DGKH: variants seen among roughly 807,000 people sequenced by gnomAD.
DGKH encodes diacylglycerol kinase eta, also known as DAG kinase eta.
DGKH carries 90 observed loss-of-function variants against 159.3 expected under a neutral mutation model. The observed-to-expected ratio is 0.57, with a 90% CI of 0.48 to 0.67. The LOEUF (loss-of-function observed/expected upper bound fraction) is 0.67, where lower values mean the gene tolerates loss of function less well. Among genes scored for constraint, DGKH ranks in the 30% least tolerant of loss-of-function variants. The pLI is 0.00. For missense variants in DGKH, 1,181 were observed against 1,506.1 expected (o/e 0.78, Z 3.57); for synonymous variants, 536 against 553.8 (o/e 0.97, Z 0.45).
At chr13:42,207,004 T>TTTCTTTC (rs1957496067) in intron 21 of DGKH, among the ~76,000 whole-genome samples, 1 of 142,204 alleles carries the variant, frequency 7.0e-6, no homozygotes, top group South Asian at 2.3e-4. Flanking sequence ...TCTTTCTTTC[T>TTTCTTTC]TTCTTTCTTT....
At position 42,189,257 on chromosome 13, in the gene DGKH, G is replaced by A; in HGVS notation, c.1860G>A (p.Arg620=). The change falls in exon 15 of 30, where the codon CGG becomes CGA. Residue 620 remains arginine (R), a synonymous_variant. Coordinates refer to ENST00000337343, the MANE Select transcript of DGKH (RefSeq NM_178009.5). ...KAVKPREIML[R]ANSLKKAVRQ... ...TCAAACCAAGGGAAATCATGTTGCG[G>A]GCAAATAGTTTAAAGAAAGCAGTGA... The A allele has an allele frequency of 6.2e-7, 1 of 1,614,208 alleles. No homozygotes were observed. The highest frequency in any genetic ancestry group is 1.1e-5 in the South Asian group (1 of 91,084).
At chr13:42,207,009 T>TTCTTTCTTTCTC (rs1281243917) in intron 21 of DGKH, among the ~76,000 whole-genome samples, 2 of 140,684 alleles carry the variant, frequency 1.4e-5, no homozygotes, top group African/African-American at 5.6e-5. Flanking sequence ...CTTTCTTTCT[T>TTCTTTCTTTCTC]TCTTTCTTTC....
At chr13:42,087,089 G>C (rs1281834920) in intron 1 of DGKH, among the ~76,000 whole-genome samples, 3 of 106,990 alleles carry the variant, frequency 2.8e-5, no homozygotes, top group African/African-American at 7.0e-5. Flanking sequence ...ACACACCTCA[G>C]AACAGAGTAG....
chr13:42,084,975 G>T (rs892677994), intron 1 of DGKH, among the ~76,000 whole-genome samples: 9 of 151,442 alleles, frequency 5.9e-5, no homozygotes, highest in African/African-American at 2.2e-4. Context: ...CTGGATTTCT[G>T]TTTTTGCTCA....
intron 1 of DGKH, among the ~76,000 whole-genome samples, chr13:42,108,366 C>T (rs562447832): frequency 1.2e-3 from 190 of 152,180 alleles, no homozygotes; most frequent in African/African-American, 4.4e-3. Flanking sequence ...TTCTGGGGTT[C>T]CTAAGCAGTG....
chr13:42,245,741 A>G (rs564147910), downstream of DGKH, among the ~76,000 whole-genome samples: 3 of 152,038 alleles, frequency 2.0e-5, no homozygotes, highest in East Asian at 5.8e-4. Context: ...ACGCGCCAAC[A>G]CACCTGGCTA....
At chr13:42,135,189 T>C (rs1260701609) in intron 3 of DGKH, among the ~76,000 whole-genome samples, 3 of 151,690 alleles carry the variant, frequency 2.0e-5, no homozygotes, top group African/African-American at 7.3e-5. Context: ...GGATTTAGGT[T>C]AATGTTTATT....
intron 1 of DGKH, among the ~76,000 whole-genome samples, chr13:42,099,943 A>G (rs900964017): frequency 6.6e-6 from 1 of 152,198 alleles, no homozygotes; most frequent in African/African-American, 2.4e-5. Flanking sequence ...CATTTCAAAA[A>G]CAGTAATGAA....
intron 1 of DGKH, among the ~76,000 whole-genome samples, chr13:42,064,794 G>A (rs1003600361): frequency 1.1e-4 from 16 of 152,052 alleles, no homozygotes; most frequent in Admixed American, 2.6e-4. Flanking sequence ...CACAGCTGGG[G>A]GCCCTCTTTA....
At chr13:42,161,104 A>G (rs1344735697) in intron 7 of DGKH, among the ~76,000 whole-genome samples, 1 of 152,172 alleles carries the variant, frequency 6.6e-6, no homozygotes, top group Non-Finnish European at 1.5e-5. Context: ...AATCTAATAT[A>G]TAGACTGTAA....
At chr13:42,179,975 T>A (rs1384715002) in intron 13 of DGKH, among the ~76,000 whole-genome samples, 1 of 152,132 alleles carries the variant, frequency 6.6e-6, no homozygotes, top group Non-Finnish European at 1.5e-5. Flanking sequence ...AAGGTAGTGA[T>A]CAAACACATG....
In DGKH at chr13:42,206,548, C is replaced by T. The variant is rs143034259; in HGVS notation, c.2601+402C>T. Among the ~76,000 whole-genome samples the T allele has an allele frequency of 8.6e-3, 1,305 of 152,284 alleles. 13 individuals are homozygous for T. Among genetic ancestry groups the T allele is most frequent in the Non-Finnish European group, 0.015 (999 of 68,024 alleles). On this transcript the variant is annotated intron_variant, in intron 21 of 29. Transcript: ENST00000337343. Reference sequence around the variant, plus strand: ...CACCTCAAACACATTTATCATCTTACTGTTGTATATGATGGGAGACTGGCA... The same window carrying T: ...CACCTCAAACACATTTATCATCTTATTGTTGTATATGATGGGAGACTGGCA...
At chr13:42,168,336 T>C (rs1956359506) in intron 9 of DGKH, 104 bp from the exon 10 acceptor site, 1 of 935,874 alleles carries the variant, frequency 1.1e-6, no homozygotes, top group South Asian at 1.9e-5. Context: ...TAAGTAGGAG[T>C]TCTTATATTT....
chr13:42,229,014 C>G, intron 29 of DGKH, 85 bp from the exon 30 acceptor site: 5 of 1,175,716 alleles, frequency 4.3e-6, no homozygotes, highest in Non-Finnish European at 5.9e-6. Flanking sequence ...AACTTTTTTC[C>G]TTTTCTTTCA....
chr13:42,151,478 GGTGTGTGTGTGTGT>G (rs143470293), intron 3 of DGKH, among the ~76,000 whole-genome samples: 4 of 126,322 alleles, frequency 3.2e-5, no homozygotes, highest in South Asian at 6.5e-4. Flanking sequence ...AGTATTCCAT[GGTGTGTGTGTGTGT>G]GTGTGTGTGT....
At chr13:42,200,309 C>G (rs1022477628) in intron 20 of DGKH, among the ~76,000 whole-genome samples, 1 of 152,036 alleles carries the variant, frequency 6.6e-6, no homozygotes, top group Non-Finnish European at 1.5e-5. Flanking sequence ...TTTAAATATA[C>G]GTTTATTTTT....
Position 42,232,244 on chromosome 13 carries a change from G to A in DGKH, c.*3056G>A, listed in dbSNP as rs1024105134. ...CCTGACTGCAATGACTGTAATGGCTGGAATTGTCACCTCTTCTCCCTGATA... is the reference window on the plus strand; with the variant it reads ...CCTGACTGCAATGACTGTAATGGCTAGAATTGTCACCTCTTCTCCCTGATA... On this transcript the variant is annotated 3_prime_UTR_variant, in exon 30 of 30. Coordinates refer to ENST00000337343, the MANE Select transcript of DGKH (RefSeq NM_178009.5). The A allele has an allele frequency of 1.3e-5, 2 of 152,292 alleles. No individual in the cohort carries two copies. The highest frequency in any genetic ancestry group is 4.8e-5 in the African/African-American group (2 of 41,424). The allele number at this position is 152,292 out of a possible 1,614,324, so 9.4% of individuals were successfully genotyped here.
intron 1 of DGKH, among the ~76,000 whole-genome samples, chr13:42,122,775 T>C (rs1955101444): frequency 6.6e-6 from 1 of 152,194 alleles, no homozygotes; most frequent in Non-Finnish European, 1.5e-5. Context: ...TCATTGCATA[T>C]GATGTGTGCA....
intron 14 of DGKH, among the ~76,000 whole-genome samples, chr13:42,188,664 A>T (rs1465065440): frequency 6.6e-6 from 1 of 152,220 alleles, no homozygotes; most frequent in Non-Finnish European, 1.5e-5. Flanking sequence ...TTATTTTGAG[A>T]AAAATAGCTG....
Sources: allele counts gnomAD v4.1 joint callset (sites outside exome capture counted in the v4.1 genomes callset), GRCh38; gene constraint gnomAD v4.1.1; transcripts MANE v1.5; gene names NCBI Gene and HGNC (gene_info 2026-07-23, HGNC 2026-07-21).